Variants in PTPRN2 observed in about 807,000 individuals in gnomAD.
PTPRN2 encodes receptor-type tyrosine-protein phosphatase N2.
In PTPRN2, 74 loss-of-function variants were observed where a neutral mutation model predicts 118.8. That is an observed-to-expected ratio of 0.62 (90% CI 0.52 to 0.76). The LOEUF (loss-of-function observed/expected upper bound fraction) is 0.76, where lower values mean the gene tolerates loss of function less well. Ranked by LOEUF, PTPRN2 falls within the 30% of genes least tolerant of loss-of-function variation. The pLI, the probability that PTPRN2 is intolerant of heterozygous loss-of-function variation, is 0.00. For missense variants in PTPRN2, 1,481 were observed against 1,394.4 expected (o/e 1.06, Z -0.99); for synonymous variants, 641 against 608.0 (o/e 1.05, Z -0.80).
At chr7:158,337,458 A>C (rs6956246) in intron 2 of PTPRN2, among the ~76,000 whole-genome samples, 24,678 of 56,644 alleles carry the variant, frequency 0.44, 3,375 homozygotes, top group Middle Eastern at 0.53. Flanking sequence ...ACGTCACTCA[A>C]ACCCACACTC....
chr7:157,697,384 G>C (rs1218406279), intron 12 of PTPRN2, among the ~76,000 whole-genome samples: 2 of 132,024 alleles, frequency 1.5e-5, no homozygotes, highest in Admixed American at 7.5e-5. Flanking sequence ...CTGGGTCTTA[G>C]TAGAGCCCTC....
chr7:157,612,870 G>T (rs912797724), intron 15 of PTPRN2, among the ~76,000 whole-genome samples: 1 of 152,196 alleles, frequency 6.6e-6, no homozygotes, highest in Non-Finnish European at 1.5e-5. Flanking sequence ...GCGGGTGGGA[G>T]CAGCTCCGGC....
chr7:158,304,743 G>A (rs1801158654), intron 3 of PTPRN2, among the ~76,000 whole-genome samples: 1 of 152,220 alleles, frequency 6.6e-6, no homozygotes, highest in Admixed American at 6.5e-5. Context: ...ATAAGGGACT[G>A]TGGAGACCAA....
chr7:157,849,267 G>C (rs752017222), intron 12 of PTPRN2, among the ~76,000 whole-genome samples: 17 of 152,218 alleles, frequency 1.1e-4, no homozygotes, highest in Non-Finnish European at 1.6e-4. Flanking sequence ...TTCTCCCCCA[G>C]GCTGGGATGG....
intron 1 of PTPRN2, 28 bp downstream of exon 1, chr7:158,587,530 C>T: frequency 1.5e-5 from 18 of 1,236,158 alleles, no homozygotes; most frequent in Non-Finnish European, 1.8e-5. Context: ...TTCATTGAGG[C>T]GCCCCTCCCC....
At chr7:157,557,328 C>G (rs890068660) in intron 21 of PTPRN2, among the ~76,000 whole-genome samples, 1 of 151,826 alleles carries the variant, frequency 6.6e-6, no homozygotes, top group African/African-American at 2.4e-5. Flanking sequence ...ACAATACACC[C>G]CACATCACAC....
rs914003219 is a variant in PTPRN2, at chr7:157,621,494, G to C, written c.2212C>G (p.His738Asp). The change falls in exon 15 of 23, where the codon CAC becomes GAC. Residue 738 changes from histidine (H) to aspartate (D), a missense_variant. This residue lies in a region of PTPRN2 where 362 missense variants were observed against 384.1 expected (regional missense o/e 0.94). Coordinates refer to ENST00000389418, the MANE Select transcript of PTPRN2 (RefSeq NM_002847.5). ...TCCAGCCGGTTCTTGTTCTTCAGGTGGTCCTCCATGTAGGACTGAAAGGGA... is the reference window on the plus strand; with the variant it reads ...TCCAGCCGGTTCTTGTTCTTCAGGTCGTCCTCCATGTAGGACTGAAAGGGA... ...GHMILSYMED[H>D]LKNKNRLEKE... 2 of 1,613,196 alleles carry C rather than the reference G, an allele frequency of 1.2e-6. No individual in the cohort carries two copies. The highest frequency in any genetic ancestry group is 2.7e-5 in the African/African-American group (2 of 74,950).
At chr7:158,242,347 A>G (rs1027203246) in intron 3 of PTPRN2, among the ~76,000 whole-genome samples, 1 of 152,246 alleles carries the variant, frequency 6.6e-6, no homozygotes, top group Non-Finnish European at 1.5e-5. Flanking sequence ...TTCTAAATCA[A>G]AAGCGTGTCT....
At position 157,751,507 on chromosome 7, in the gene PTPRN2, G is replaced by A. The variant is rs561145724; in HGVS notation, c.1789-68570C>T. Among the ~76,000 whole-genome samples the A allele has an allele frequency of 7.2e-5, 11 of 152,242 alleles. No individual in the cohort carries two copies. In the East Asian group the frequency reaches 2.1e-3, roughly 29 times the overall value. On this transcript the variant is annotated intron_variant, in intron 12 of 22. Coordinates refer to ENST00000389418, the MANE Select transcript of PTPRN2 (RefSeq NM_002847.5). The stretch of plus-strand genomic sequence containing the variant: ...AGTGGCTGAGTGCCTGCTCTCCAGC[G>A]CCCACGGAGTGCGCTCGCTCGGGAG...
intron 12 of PTPRN2, among the ~76,000 whole-genome samples, chr7:157,816,796 C>T (rs908950649): frequency 6.6e-6 from 1 of 152,182 alleles, no homozygotes. Flanking sequence ...GCTGGGACTG[C>T]GGCTCCCTGG....
intron 2 of PTPRN2, among the ~76,000 whole-genome samples, chr7:158,371,377 CCTT>C (rs368257665): frequency 5.2e-4 from 79 of 150,990 alleles, no homozygotes; most frequent in African/African-American, 1.8e-3. Context: ...GAAGATTTAA[CCTT>C]CTATTTTTAA....
chr7:158,488,728 C>G (rs914790770), intron 2 of PTPRN2, among the ~76,000 whole-genome samples: 4 of 152,266 alleles, frequency 2.6e-5, no homozygotes, highest in African/African-American at 9.6e-5. Context: ...CGAGGGGCCT[C>G]TGGGCAGGCC....
intron 1 of PTPRN2, 49 bp from the exon 2 acceptor site, chr7:158,489,834 G>A (rs763568476): frequency 1.3e-6 from 2 of 1,528,658 alleles, no homozygotes; most frequent in South Asian, 1.2e-5. Flanking sequence ...GGAGGAGGGG[G>A]GTGCCCCCGA....
At chr7:157,983,598 C>T (rs1189738695) in intron 11 of PTPRN2, among the ~76,000 whole-genome samples, 3 of 152,146 alleles carry the variant, frequency 2.0e-5, no homozygotes, top group Non-Finnish European at 4.4e-5. Context: ...CATGTGTCCA[C>T]CAGCCCTGGG....
rs567685664 is a variant in PTPRN2 at position 157,736,556 on chromosome 7, G to A, written c.1789-53619C>T. On this transcript the variant is annotated intron_variant, in intron 12 of 22. Coordinates refer to ENST00000389418, the MANE Select transcript of PTPRN2 (RefSeq NM_002847.5). ...AGGAAGAACCGCCCCCACCCCCGCC[G>A]CCCCCCACAGCTTGGTCTGGGACTG... Among the ~76,000 whole-genome samples the A allele has an allele frequency of 9.2e-4, 124 of 135,152 alleles. 1 individual carries two copies. The highest frequency in any genetic ancestry group is 3.0e-3 in the African/African-American group (110 of 36,428). The allele number at this position is 135,152 out of a possible 152,430, so 88.7% of individuals were successfully genotyped here.
chr7:157,746,932 C>G (rs375562661), intron 12 of PTPRN2, among the ~76,000 whole-genome samples: 605 of 63,630 alleles, frequency 9.5e-3, no homozygotes, highest in Middle Eastern at 0.044. Flanking sequence ...TCCCTGAGCT[C>G]TGGGCTGTCC....
chr7:158,302,828 T>C (rs1309948263), intron 3 of PTPRN2, among the ~76,000 whole-genome samples: 10 of 152,188 alleles, frequency 6.6e-5, no homozygotes, highest in African/African-American at 1.9e-4. Context: ...TACTAAGACA[T>C]ACTTTGCCTT....
chr7:158,508,048 A>G (rs999172013), intron 1 of PTPRN2, among the ~76,000 whole-genome samples: 1 of 142,320 alleles, frequency 7.0e-6, no homozygotes, highest in Non-Finnish European at 1.5e-5. Flanking sequence ...ACAGCGCTAC[A>G]GTGTTACGAA....
At chr7:157,804,023 C>G (rs1282336199) in intron 12 of PTPRN2, among the ~76,000 whole-genome samples, 1 of 152,120 alleles carries the variant, frequency 6.6e-6, no homozygotes, top group Non-Finnish European at 1.5e-5. Flanking sequence ...GAAACATATG[C>G]AAGAGTAGAT....
Sources: allele counts gnomAD v4.1 joint callset (sites outside exome capture counted in the v4.1 genomes callset), GRCh38; gene constraint gnomAD v4.1.1; regional missense constraint gnomAD v4.1.1; transcripts MANE v1.5; gene names NCBI Gene and HGNC (gene_info 2026-07-23, HGNC 2026-07-21).